TAS1R1: variants seen among roughly 807,000 people sequenced by gnomAD.
TAS1R1 encodes the protein taste 1 receptor member 1.
In TAS1R1, 31 loss-of-function variants were observed where a neutral mutation model predicts 45.8. The ratio of observed to expected loss-of-function variants is 0.68; its 90% CI spans 0.51 to 0.91. TAS1R1 has a LOEUF of 0.91. Among genes scored for constraint, TAS1R1 ranks in the 40% least tolerant of loss-of-function variants. The pLI is 0.00. For missense variants in TAS1R1, 1,051 were observed against 1,063.9 expected (o/e 0.99, Z 0.17); for synonymous variants, 437 against 448.4 (o/e 0.97, Z 0.32).
At chr1:6,565,605 T>C (rs1390704329) in intron 1 of TAS1R1, among the ~76,000 whole-genome samples, 1 of 151,730 alleles carries the variant, frequency 6.6e-6, no homozygotes, top group Non-Finnish European at 1.5e-5. Context: ...TACAAGGGCG[T>C]TTTTTGTTTG....
intron 1 of TAS1R1, among the ~76,000 whole-genome samples, chr1:6,568,345 C>T (rs886542928): frequency 2.6e-5 from 4 of 151,854 alleles, no homozygotes; most frequent in African/African-American, 9.7e-5. Flanking sequence ...GTCCCAGCTA[C>T]TCCGGAGGCT....
intron 2 of TAS1R1, among the ~76,000 whole-genome samples, chr1:6,573,345 T>C (rs1191028381): frequency 6.6e-6 from 1 of 152,018 alleles, no homozygotes; most frequent in Admixed American, 6.6e-5. Context: ...TAATCCCAGC[T>C]ACTCAGGAGG....
chr1:6,579,416 G>T lies in TAS1R1; in HGVS notation c.2358G>T (p.Lys786Asn). 1 of 1,614,036 alleles carries T rather than the reference G, an allele frequency of 6.2e-7. No homozygotes were observed. The change falls in exon 6 of 6, where the codon AAG (lysine) becomes AAT (asparagine). Residue 786 changes from lysine (K) to asparagine (N), a missense_variant. Coordinates refer to ENST00000333172, the MANE Select transcript of TAS1R1 (RefSeq NM_138697.4). ...CCACGGCCAGCGTCTACGACGGCAA[G>T]TACCTGCCTGCGGCCAACATGATGG... Reference protein sequence around the residue: ...FFTTASVYDGKYLPAANMMAG... With the variant: ...FFTTASVYDGNYLPAANMMAG...
At position 6,555,866 on chromosome 1, in the gene TAS1R1, C is replaced by CCTTTT. The variant is rs1553185410; in HGVS notation, c.191+302_191+303insCTTTT. On this transcript the variant is annotated intron_variant, in intron 1 of 5. Transcript: ENST00000333172. ...AAGCAAGGGCAGCTTTTTCCCTCTTCTTTTTTTTTTTTTTTTTTTTTTTGA... is the reference window on the plus strand; with the variant it reads ...AAGCAAGGGCAGCTTTTTCCCTCTTCCTTTTTTTTTTTTTTTTTTTTTTTTTTTGA... 8.3e-4 allele frequency among the ~76,000 whole-genome samples: 79 copies of CCTTTT among 95,332 alleles called. 10 individuals are homozygous for CCTTTT. In the East Asian group the frequency reaches 0.012, roughly 15 times the overall value. 62.5% of individuals were successfully genotyped at this position (95,332 alleles called of 152,430 possible). A position where few individuals can be genotyped will look rare whatever the true frequency, so the allele number is the denominator to read the frequency against.
chr1:6,576,747 C>A, intron 4 of TAS1R1, 120 bp downstream of exon 4: 1 of 1,381,620 alleles, frequency 7.2e-7, no homozygotes, highest in Admixed American at 2.0e-5. Flanking sequence ...GCTGCCACCA[C>A]TCTACCCATC....
At chr1:6,568,542 C>T (rs562253848) in intron 1 of TAS1R1, among the ~76,000 whole-genome samples, 5 of 150,416 alleles carry the variant, frequency 3.3e-5, no homozygotes, top group Non-Finnish European at 5.9e-5. Flanking sequence ...CTCTGTAAGG[C>T]GGGAAAGGAA....
chr1:6,576,131 A>G (rs964743008), intron 3 of TAS1R1, among the ~76,000 whole-genome samples: 10 of 152,206 alleles, frequency 6.6e-5, no homozygotes, highest in African/African-American at 2.4e-4. Context: ...TCTCTTAGAC[A>G]GATCTTTCTC....
Position 6,578,863 on chromosome 1 carries a change from G to A in TAS1R1, c.1805G>A (p.Gly602Asp). 2 of 1,608,952 alleles carry A rather than the reference G, an allele frequency of 1.2e-6. No individual in the cohort carries two copies. Among genetic ancestry groups the A allele is most frequent in the Non-Finnish European group, 1.7e-6 (2 of 1,176,366 alleles). Residue 602 changes from glycine to aspartate, a missense_variant, in exon 6 of 6, where the codon GGC becomes GAC. By Grantham distance (94) the Gly-to-Asp change is moderately conservative. Coordinates refer to ENST00000333172, the MANE Select transcript of TAS1R1 (RefSeq NM_138697.4). ...ACCCCTGTGGTGAGGTCAGCAGGGG[G>A]CCGCCTGTGCTTTCTTATGCTGGGC... Reference protein sequence around the residue: ...LDTPVVRSAGGRLCFLMLGSL... With the variant: ...LDTPVVRSAGDRLCFLMLGSL...
Position 6,575,041 on chromosome 1 carries a change from G to A in TAS1R1, c.909G>A (p.Trp303Ter), listed in dbSNP as rs772059483. 1.3e-6 allele frequency: 2 copies of A among 1,586,418 alleles called. No homozygotes were observed. The highest frequency in any genetic ancestry group is 8.6e-7 in the Non-Finnish European group (1 of 1,164,772). Reference protein sequence around the residue: ...TGKVWVASEAWALSRHITGVP... With the variant: ...TGKVWVASEA ...AGGTGTGGGTCGCCTCAGAAGCCTG[G>A]GCCCTCTCCAGGCACATCACTGGGG... The change falls in exon 3 of 6, where the codon TGG becomes TGA. Residue 303 changes from tryptophan (W) to a stop codon, truncating the protein, a stop_gained. Coordinates refer to ENST00000333172, the MANE Select transcript of TAS1R1 (RefSeq NM_138697.4). LOFTEE classifies it high-confidence loss of function.
intron 2 of TAS1R1, among the ~76,000 whole-genome samples, chr1:6,571,897 C>T (rs1640027535): frequency 6.6e-6 from 1 of 152,156 alleles, no homozygotes; most frequent in African/African-American, 2.4e-5. Context: ...GTCTCTCCTG[C>T]CTGCCTTTCC....
chr1:6,578,720 G>A lies in TAS1R1; in HGVS notation c.1662G>A (p.Pro554=), dbSNP rs776544185. 2.8e-5 allele frequency: 45 copies of A among 1,612,178 alleles called. No homozygotes were observed. Among genetic ancestry groups the A allele is most frequent in the Middle Eastern group, 1.6e-4 (1 of 6,064 alleles). The change falls in exon 6 of 6, where the codon CCG becomes CCA. Residue 554 remains proline, a synonymous_variant. Transcript: ENST00000333172. ...WAPEGSQTCF[P]RTVVFLALRE... is the part of the protein sequence containing the mutation. ...CTGAGGGAAGCCAGACCTGCTTCCC[G>A]CGCACTGTGGTGTTTTTGGCTTTGC... is the stretch of plus-strand genomic sequence containing the variant.
chr1:6,567,568 A>AG, intron 1 of TAS1R1, among the ~76,000 whole-genome samples: 1 of 150,820 alleles, frequency 6.6e-6, no homozygotes, highest in Middle Eastern at 3.4e-3. Flanking sequence ...TCAAAGAAAA[A>AG]AAAAAAAAAG....
chr1:6,566,975 G>A (rs553401423), intron 1 of TAS1R1, among the ~76,000 whole-genome samples: 36 of 152,278 alleles, frequency 2.4e-4, no homozygotes, highest in African/African-American at 8.4e-4. Flanking sequence ...TAACAAGAGA[G>A]GTGGGAAGTG....
intron 1 of TAS1R1, among the ~76,000 whole-genome samples, chr1:6,561,790 C>T (rs1639793777): frequency 6.6e-6 from 1 of 151,568 alleles, no homozygotes; most frequent in South Asian, 2.1e-4. Context: ...TCCAAGAGAT[C>T]TTTTGAGAGA....
At chr1:6,573,739 T>C (rs139026130) in intron 2 of TAS1R1, among the ~76,000 whole-genome samples, 3,675 of 152,032 alleles carry the variant, frequency 0.024, 75 homozygotes, top group Middle Eastern at 0.071. Flanking sequence ...CTCGACTCAC[T>C]GCAAGCTCCG....
At position 6,570,024 on chromosome 1, in the gene TAS1R1, G is replaced by GGAGA. The variant is rs397979009; in HGVS notation, c.192-861_192-858dup. ...GGAGGAGAGAGGGAGGGAGGGAGGG[G>GGAGA]GAGAGAGAGAGAGAGAGAGAGAGAG... is the stretch of plus-strand genomic sequence containing the variant. On this transcript the variant is annotated intron_variant, in intron 1 of 5. Coordinates refer to ENST00000333172, the MANE Select transcript of TAS1R1 (RefSeq NM_138697.4). Among the ~76,000 whole-genome samples the GGAGA allele has an allele frequency of 5.6e-3, 181 of 32,432 alleles. 1 individual carries two copies. Among genetic ancestry groups the GGAGA allele is most frequent in the African/African-American group, 0.01 (174 of 17,118 alleles). The allele number at this position is 32,432 out of a possible 152,430, so 21.3% of individuals were successfully genotyped here.
chr1:6,560,718 C>T (rs966856316), intron 1 of TAS1R1, among the ~76,000 whole-genome samples: 1 of 152,004 alleles, frequency 6.6e-6, no homozygotes, highest in Non-Finnish European at 1.5e-5. Context: ...CGTGGTGGCT[C>T]ACGCCTGTAA....
At chr1:6,577,167 A>C in intron 5 of TAS1R1, 97 bp downstream of exon 5, 1 of 1,533,194 alleles carries the variant, frequency 6.5e-7, no homozygotes, top group South Asian at 1.2e-5. Flanking sequence ...CTGCCCCAGA[A>C]CCAAGGCCCA....
Position 6,570,956 on chromosome 1 carries a change from G to A in TAS1R1, c.239G>A (p.Arg80Gln), listed in dbSNP as rs762238300. 45 of 1,613,028 alleles carry A rather than the reference G, an allele frequency of 2.8e-5. 1 individual carries two copies. Among genetic ancestry groups the A allele is most frequent in the South Asian group, 5.5e-5 (5 of 90,902 alleles). The change falls in exon 2 of 6, where the codon CGG becomes CAG. Residue 80 changes from arginine to glutamine, a missense_variant. Arg to Gln is a conservative substitution (Grantham distance 43). Coordinates refer to ENST00000333172, the MANE Select transcript of TAS1R1 (RefSeq NM_138697.4). ...GGCTACCACCTCTTCCAGGCTATGC[G>A]GCTTGGGGTTGAGGAGATAAACAAC... ...EHGYHLFQAM[R>Q]LGVEEINNST...
Sources: gnomAD v4.1 joint callset for allele counts (sites outside exome capture counted in the v4.1 genomes callset) on GRCh38, gnomAD v4.1.1 for gene constraint, MANE v1.5 for transcripts, NCBI Gene and HGNC (gene_info 2026-07-23, HGNC 2026-07-21) for gene names.